Variants in FNTB observed in about 807,000 individuals in gnomAD.
FNTB encodes the protein protein farnesyltransferase subunit beta.
A neutral mutation model predicts 59.4 loss-of-function variants in FNTB; 27 were observed. The ratio of observed to expected loss-of-function variants is 0.45; its 90% confidence interval spans 0.34 to 0.63. The LOEUF is 0.63. Ranked by LOEUF, FNTB falls within the 20% of genes least tolerant of loss-of-function variation. FNTB has a pLI of 0.02. For synonymous variants in FNTB, 230 were observed against 220.7 expected (o/e 1.04, Z -0.37); for missense variants, 449 against 559.6 (o/e 0.80, Z 1.99).
rs1333447387 is a variant in FNTB at position 65,029,138 on chromosome 14, G to T, written c.605+1357G>T. ...ATTCTTCCCTGACCTTTGCTCTTTG[G>T]GTGATGCTCTGCCATTCGTGCCCGT... On this transcript the variant is annotated intron_variant, in intron 6 of 11. Coordinates refer to ENST00000246166, the MANE Select transcript of FNTB (RefSeq NM_002028.4). This position sits in a 1 kb window ranked among gnomAD's most constrained non-coding sequence, Gnocchi z 4.7. 6.6e-6 allele frequency among the ~76,000 whole-genome samples: 1 copy of T among 152,062 alleles called. No homozygotes were observed. Among genetic ancestry groups the T allele is most frequent in the African/African-American group, 2.4e-5 (1 of 41,382 alleles).
chr14:65,041,568 C>T (rs184353723), intron 8 of FNTB, among the ~76,000 whole-genome samples: 62 of 152,310 alleles, frequency 4.1e-4, no homozygotes, highest in Non-Finnish European at 4.4e-5. Flanking sequence ...CTGACCATGA[C>T]GTCAAAGCAA....
rs765226463 is a variant in FNTB at position 65,027,800 on chromosome 14, A to T, written c.605+19A>T. On this transcript the variant is annotated intron_variant, in intron 6 of 11. Transcript: ENST00000246166. This position sits in a 1 kb window ranked among gnomAD's most constrained non-coding sequence, Gnocchi z 5.7. ...ATGTGAGGTGAGTGGGGTTTTGCACAGGCTGCCACATCAGTTGACTCTAGA... is the reference window on the plus strand; with the variant it reads ...ATGTGAGGTGAGTGGGGTTTTGCACTGGCTGCCACATCAGTTGACTCTAGA... The T allele has an allele frequency of 6.2e-7, 1 of 1,613,938 alleles. No individual in the cohort carries two copies. Among genetic ancestry groups the T allele is most frequent in the South Asian group, 1.1e-5 (1 of 91,048 alleles).
rs59036615 is a variant in FNTB at position 65,060,697 on chromosome 14, C to CA, written c.1183-466dup. Among the ~76,000 whole-genome samples, 246 of 48,588 alleles carry CA rather than the reference C, an allele frequency of 5.1e-3. 9 individuals are homozygous for CA. Among genetic ancestry groups the CA allele is most frequent in the Non-Finnish European group, 5.8e-3 (184 of 31,460 alleles). 31.9% of individuals were successfully genotyped at this position (48,588 alleles called of 152,430 possible). On this transcript the variant is annotated intron_variant, in intron 11 of 11. Coordinates refer to ENST00000246166, the MANE Select transcript of FNTB (RefSeq NM_002028.4). The stretch of plus-strand genomic sequence containing the variant: ...GGCGACAGAGCGAGAGACTCCGTCT[C>CA]AAAAAAAAAAAAAAAAAATACAAAA...
At chr14:65,061,148 G>A (rs539254179) in intron 11 of FNTB, 33 bp from the exon 12 acceptor site, 3 of 1,612,720 alleles carry the variant, frequency 1.9e-6, no homozygotes, top group South Asian at 2.2e-5. Context: ...GACCACCGGG[G>A]TGATTAACTG....
chr14:65,057,892 T>C (rs1264313583), intron 11 of FNTB, among the ~76,000 whole-genome samples: 2 of 152,232 alleles, frequency 1.3e-5, no homozygotes, highest in Non-Finnish European at 2.9e-5. Context: ...CTGGACTCTC[T>C]TATTTTGTTC....
intron 2 of FNTB, among the ~76,000 whole-genome samples, chr14:65,008,933 C>G (rs1190777292): frequency 6.6e-6 from 1 of 152,232 alleles, no homozygotes; most frequent in Non-Finnish European, 1.5e-5. Flanking sequence ...CTGTCACCCT[C>G]TGCACAGTGA....
intron 2 of FNTB, among the ~76,000 whole-genome samples, chr14:65,006,759 T>A (rs2061600779): frequency 6.6e-6 from 1 of 152,244 alleles, no homozygotes; most frequent in African/African-American, 2.4e-5. Context: ...TCTCTTTCAT[T>A]CCTTTTTTAA....
chr14:65,040,604 C>CTTTT (rs35890649), intron 7 of FNTB, among the ~76,000 whole-genome samples, 186 bp from the exon 8 acceptor site: 5 of 117,308 alleles, frequency 4.3e-5, no homozygotes, highest in Non-Finnish European at 5.2e-5. Context: ...CCAGGCCCAG[C>CTTTT]TTTTTTTTTT....
chr14:65,028,792 C>T lies in FNTB; in HGVS notation c.605+1011C>T, dbSNP rs550713829. 2.6e-5 allele frequency among the ~76,000 whole-genome samples: 4 copies of T among 152,274 alleles called. No individual in the cohort carries two copies. The highest frequency in any genetic ancestry group is 1.3e-4 in the Admixed American group (2 of 15,292). On this transcript the variant is annotated intron_variant, in intron 6 of 11. Coordinates refer to ENST00000246166, the MANE Select transcript of FNTB (RefSeq NM_002028.4). The surrounding 1 kb of genome is among the most constrained non-coding windows in gnomAD (Gnocchi z 4.4). ...GGTAAATCAGTATGTGTTGATTCTTCTTAAGGAAAATGTTAAAAGAGTTTT... is the reference window on the plus strand; with the variant it reads ...GGTAAATCAGTATGTGTTGATTCTTTTTAAGGAAAATGTTAAAAGAGTTTT...
intron 4 of FNTB, among the ~76,000 whole-genome samples, chr14:65,024,913 CT>C (rs917045460): frequency 3.3e-5 from 5 of 152,200 alleles, no homozygotes; most frequent in African/African-American, 1.2e-4. Context: ...GCCACTATGC[CT>C]GGCTCCTTTT....
rs113190188 is a variant in FNTB at position 65,060,810 on chromosome 14, T to G, written c.1183-371T>G. ...ATTGCTTGAACACAGGAGGCAGAGG[T>G]TGCAGTGAGCTAAGATCGTGTCAAT... On this transcript the variant is annotated intron_variant, in intron 11 of 11. Coordinates refer to ENST00000246166, the MANE Select transcript of FNTB (RefSeq NM_002028.4). Among the ~76,000 whole-genome samples, 511 of 145,160 alleles carry G rather than the reference T, an allele frequency of 3.5e-3. 4 individuals carry two copies. The highest frequency in any genetic ancestry group is 9.0e-3 in the African/African-American group (345 of 38,510).
intron 2 of FNTB, among the ~76,000 whole-genome samples, chr14:65,005,507 T>TTCTTTCTTTCTC (rs1566865072): frequency 7.0e-5 from 6 of 86,118 alleles, no homozygotes; most frequent in African/African-American, 3.6e-4. Context: ...CTTTCTTTCT[T>TTCTTTCTTTCTC]TCTTTCTCTC....
intron 4 of FNTB, among the ~76,000 whole-genome samples, chr14:65,025,353 A>G (rs541299948): frequency 6.6e-6 from 1 of 152,334 alleles, no homozygotes; most frequent in African/African-American, 2.4e-5. Context: ...GTTTTGTATC[A>G]GCTAAAACTT....
chr14:65,053,191 C>G lies in FNTB; in HGVS notation c.956-47C>G, dbSNP rs762189210. 3.1e-6 allele frequency: 4 copies of G among 1,307,564 alleles called. No individual in the cohort carries two copies. The African/African-American group carries it at 6.1e-5, about 20-fold the overall frequency. The allele number at this position is 1,307,564 out of a possible 1,614,324, so 81.0% of individuals were successfully genotyped here. ...AGAAAGTGGAATTAGGTCATTGATA[C>G]TTGGCTGGATCTGCCGGGCCCTTAC... On this transcript the variant is annotated intron_variant, in intron 9 of 11. Transcript: ENST00000246166.
rs1489738001 is a variant in FNTB at position 65,037,375 on chromosome 14, T to C, written c.693-3415T>C. 2.1e-5 allele frequency among the ~76,000 whole-genome samples: 3 copies of C among 143,022 alleles called. No homozygotes were observed. In the Admixed American group the frequency reaches 2.2e-4, roughly 11 times the overall value. The allele number at this position is 143,022 out of a possible 152,430, so 93.8% of individuals were successfully genotyped here. On this transcript the variant is annotated intron_variant, in intron 7 of 11. Transcript: ENST00000246166. ...GCCTCGGCCTCCCAAAGTGCTGAGATTATAGGCGTGAGCCACCACGCCGGG... is the reference window on the plus strand; with the variant it reads ...GCCTCGGCCTCCCAAAGTGCTGAGACTATAGGCGTGAGCCACCACGCCGGG...
chr14:65,055,785 A>G (rs1056553671), intron 11 of FNTB, among the ~76,000 whole-genome samples: 9 of 152,204 alleles, frequency 5.9e-5, no homozygotes, highest in Admixed American at 5.2e-4. Context: ...CCAAGGTGCC[A>G]GGATTACATG....
intron 11 of FNTB, among the ~76,000 whole-genome samples, chr14:65,058,307 T>C (rs922004969): frequency 2.0e-4 from 30 of 152,104 alleles, no homozygotes; most frequent in African/African-American, 7.0e-4. Context: ...TTCATGTCTC[T>C]TGTGACTGGA....
In FNTB at chr14:65,044,218, C is replaced by G; in HGVS notation, c.823-93C>G. 1 of 1,590,316 alleles carries G rather than the reference C, an allele frequency of 6.3e-7. No individual in the cohort carries two copies. Among genetic ancestry groups the G allele is most frequent in the Non-Finnish European group, 8.5e-7 (1 of 1,170,440 alleles). ...GCCAAGAAGCCACAAGATGGGAAAC[C>G]CTCCATCCCACAGATTGACTCCTGG... On this transcript the variant is annotated intron_variant, in intron 8 of 11. Coordinates refer to ENST00000246166, the MANE Select transcript of FNTB (RefSeq NM_002028.4). This position sits in a 1 kb window ranked among gnomAD's most constrained non-coding sequence, Gnocchi z 5.5.
At position 64,987,003 on chromosome 14, in the gene FNTB, C is replaced by A; in HGVS notation, c.50C>A (p.Pro17His). ...TACTATTGCCCTCCATCTTCCTCCC[C>A]CGTCTGGTCAGAGCCGCTGTACAGT... Reference protein sequence around the residue: ...FTYYCPPSSSPVWSEPLYSLR... With the variant: ...FTYYCPPSSSHVWSEPLYSLR... The change falls in exon 1 of 12, where the codon CCC (proline) becomes CAC (histidine). Residue 17 changes from proline (P) to histidine (H), a missense_variant. By Grantham distance (77) the Pro-to-His change is moderately conservative. This residue lies in a region of FNTB where 112 missense variants were observed against 80.5 expected (regional missense o/e 1.39). Transcript: ENST00000246166. The A allele has an allele frequency of 1.2e-6, 2 of 1,614,228 alleles. No homozygotes were observed. The highest frequency in any genetic ancestry group is 2.2e-5 in the East Asian group (1 of 44,888).
Sources: allele counts gnomAD v4.1 joint callset (sites outside exome capture counted in the v4.1 genomes callset), GRCh38; gene constraint gnomAD v4.1.1; regional missense constraint gnomAD v4.1.1; non-coding constraint Gnocchi (gnomAD v3.1); transcripts MANE v1.5; gene names NCBI Gene and HGNC (gene_info 2026-07-23, HGNC 2026-07-21).